The following VAT1L variants were observed in gnomAD, a reference collection of about 807,000 sequenced individuals.
The protein encoded by VAT1L is vesicle amine transport 1 like.
Under a neutral mutation model 44.1 loss-of-function variants are expected in VAT1L, and 34 were observed. That is an observed-to-expected ratio of 0.77 (90% confidence interval 0.59 to 1.03). The LOEUF (loss-of-function observed/expected upper bound fraction) is 1.03, where lower values mean the gene tolerates loss of function less well. Ranked by LOEUF, VAT1L falls within the 50% of genes least tolerant of loss-of-function variation. The pLI is 0.00. For missense variants in VAT1L, 615 were observed against 538.8 expected (o/e 1.14, Z -1.40); for synonymous variants, 253 against 202.2 (o/e 1.25, Z -2.13).
chr16:77,977,454 G>C, intron 8 of VAT1L, 143 bp from the exon 9 acceptor site: 1 of 734,936 alleles, frequency 1.4e-6, no homozygotes, highest in Non-Finnish European at 2.3e-6. Flanking sequence ...ACATATGACA[G>C]CTAATCCTGC....
intron 7 of VAT1L, among the ~76,000 whole-genome samples, chr16:77,964,112 T>C (rs1298957111): frequency 1.3e-5 from 2 of 152,036 alleles, no homozygotes; most frequent in Non-Finnish European, 2.9e-5. Context: ...CAGATCCACC[T>C]GGAGCCAAAG....
In VAT1L at chr16:77,884,923, G is replaced by T. The variant is rs563593284; in HGVS notation, c.1077+121G>T. Reference sequence around the variant, plus strand: ...CCCAGATGGGTTTGTTTTAAATGAGGGTCCTAAAAGTCACCTGTACCACAG... The same window carrying T: ...CCCAGATGGGTTTGTTTTAAATGAGTGTCCTAAAAGTCACCTGTACCACAG... On this transcript the variant is annotated intron_variant, in intron 7 of 8. Coordinates refer to ENST00000302536, the MANE Select transcript of VAT1L (RefSeq NM_020927.3). This position sits in a 1 kb window ranked among gnomAD's most constrained non-coding sequence, Gnocchi z 4.5. 5.9e-5 allele frequency: 62 copies of T among 1,056,594 alleles called. No individual in the cohort carries two copies. The African/African-American group carries it at 8.7e-4, about 15-fold the overall frequency. The allele number at this position is 1,056,594 out of a possible 1,614,324, so 65.5% of individuals were successfully genotyped here. A position where few individuals can be genotyped will look rare whatever the true frequency, so the allele number is the denominator to read the frequency against.
At chr16:77,791,050 T>C (rs565674071) in intron 1 of VAT1L, among the ~76,000 whole-genome samples, 1 of 152,268 alleles carries the variant, frequency 6.6e-6, no homozygotes, top group South Asian at 2.1e-4. Flanking sequence ...CCCAGATTGA[T>C]TTTCCTTTCA....
intron 7 of VAT1L, among the ~76,000 whole-genome samples, chr16:77,951,288 G>C (rs1254541157): frequency 6.6e-6 from 1 of 152,248 alleles, no homozygotes; most frequent in Non-Finnish European, 1.5e-5. Context: ...GCTCACGCCT[G>C]TAATCCCAGC....
chr16:77,942,720 TTTGTTG>T (rs569987007), intron 7 of VAT1L, among the ~76,000 whole-genome samples: 1 of 152,184 alleles, frequency 6.6e-6, no homozygotes, highest in South Asian at 2.1e-4. Flanking sequence ...CACCCTGTTT[TTTGTTG>T]TTGTTGTTGT....
chr16:77,884,808 A>G lies in VAT1L; in HGVS notation c.1077+6A>G. 1.4e-6 allele frequency: 2 copies of G among 1,472,330 alleles called. No individual in the cohort carries two copies. Among genetic ancestry groups the G allele is most frequent in the Non-Finnish European group, 1.8e-6 (2 of 1,113,610 alleles). 91.2% of individuals were successfully genotyped at this position (1,472,330 alleles called of 1,614,324 possible). On this transcript the variant is annotated splice_donor_region_variant and intron_variant, in intron 7 of 8. Coordinates refer to ENST00000302536, the MANE Select transcript of VAT1L (RefSeq NM_020927.3). This position sits in a 1 kb window ranked among gnomAD's most constrained non-coding sequence, Gnocchi z 4.5. ...CCTTGTGGGCTCTGGAGGAGGTAAG[A>G]ATGGTGCTTTTCTTCTGCAAATAAA...
intron 3 of VAT1L, among the ~76,000 whole-genome samples, chr16:77,854,549 T>C (rs1208691627): frequency 6.6e-6 from 1 of 152,200 alleles, no homozygotes; most frequent in African/African-American, 2.4e-5. Context: ...CTTGTATTGT[T>C]GTAAGAAAAA....
intron 1 of VAT1L, among the ~76,000 whole-genome samples, chr16:77,792,810 A>G (rs2015857807): frequency 6.6e-6 from 1 of 152,204 alleles, no homozygotes; most frequent in African/African-American, 2.4e-5. Context: ...TTCCCGGACT[A>G]TAAAATAGAG....
chr16:77,939,342 A>G (rs2142510088), intron 7 of VAT1L, among the ~76,000 whole-genome samples: 1 of 150,198 alleles, frequency 6.7e-6, no homozygotes. Flanking sequence ...TTTTCCAGCT[A>G]GGCATCAGTG....
rs574845780 is a variant in VAT1L at position 77,924,441 on chromosome 16, C to G, written c.1077+39639C>G. Among the ~76,000 whole-genome samples the G allele has an allele frequency of 6.6e-5, 10 of 152,076 alleles. No homozygotes were observed. In the South Asian group the frequency reaches 2.1e-3, roughly 32 times the overall value. Reference sequence around the variant, plus strand: ...CCAGCCTTCTCCAAGCTTCCACCCACTTCTTATTTTCCTTCCTCCCCACTG... The same window carrying G: ...CCAGCCTTCTCCAAGCTTCCACCCAGTTCTTATTTTCCTTCCTCCCCACTG... On this transcript the variant is annotated intron_variant, in intron 7 of 8. Transcript: ENST00000302536.
intron 3 of VAT1L, among the ~76,000 whole-genome samples, chr16:77,844,025 A>G (rs1408170908): frequency 6.6e-6 from 1 of 152,220 alleles, no homozygotes; most frequent in Non-Finnish European, 1.5e-5. Context: ...ATGGCAAACA[A>G]AATAGTCACT....
chr16:77,928,880 A>C (rs762098011), intron 7 of VAT1L, among the ~76,000 whole-genome samples: 26 of 151,986 alleles, frequency 1.7e-4, no homozygotes, highest in Non-Finnish European at 3.2e-4. Context: ...GCAGTGGTGC[A>C]ATCTCAGCTC....
chr16:77,945,043 AC>A (rs1454450252), intron 7 of VAT1L, among the ~76,000 whole-genome samples: 1 of 152,218 alleles, frequency 6.6e-6, no homozygotes, highest in Non-Finnish European at 1.5e-5. Context: ...TCACCATGGT[AC>A]AAAAACCTGT....
intron 1 of VAT1L, among the ~76,000 whole-genome samples, chr16:77,790,276 C>T (rs917218098): frequency 6.6e-6 from 1 of 152,120 alleles, no homozygotes; most frequent in African/African-American, 2.4e-5. Flanking sequence ...GTGGGGAATT[C>T]CGGGTAAGGG....
intron 7 of VAT1L, among the ~76,000 whole-genome samples, chr16:77,934,317 C>A (rs184083886): frequency 6.6e-6 from 1 of 152,174 alleles, no homozygotes; most frequent in African/African-American, 2.4e-5. Context: ...CCCCACACCC[C>A]CAAGATGACC....
chr16:77,892,835 G>A (rs977538787), intron 7 of VAT1L: 3 of 868,350 alleles, frequency 3.5e-6, no homozygotes, highest in Non-Finnish European at 5.9e-6. Flanking sequence ...CATGAATATT[G>A]TGGAGGCCAT....
At chr16:77,968,286 C>G (rs2142541581) in intron 7 of VAT1L, among the ~76,000 whole-genome samples, 1 of 152,188 alleles carries the variant, frequency 6.6e-6, no homozygotes, top group South Asian at 2.1e-4. Context: ...AGAGAGAATT[C>G]AGGGCCAGTC....
chr16:77,853,760 C>T (rs903467087), intron 3 of VAT1L, among the ~76,000 whole-genome samples: 7 of 151,892 alleles, frequency 4.6e-5, no homozygotes, highest in African/African-American at 1.2e-4. Context: ...CTGAGAAGCA[C>T]GGATCCATAC....
chr16:77,918,964 A>G (rs2017581416), intron 7 of VAT1L, among the ~76,000 whole-genome samples: 1 of 152,192 alleles, frequency 6.6e-6, no homozygotes, highest in South Asian at 2.1e-4. Context: ...ACCATCCATC[A>G]TTCCTTCCTA....
Sources: allele counts gnomAD v4.1 joint callset (sites outside exome capture counted in the v4.1 genomes callset), GRCh38; gene constraint gnomAD v4.1.1; non-coding constraint Gnocchi (gnomAD v3.1); transcripts MANE v1.5; gene names NCBI Gene and HGNC (gene_info 2026-07-23, HGNC 2026-07-21).